The following KIAA1328 variants were observed in gnomAD, a reference collection of about 807,000 sequenced individuals.
KIAA1328 encodes the protein protein hinderin.
Under a neutral mutation model 68.1 loss-of-function variants are expected in KIAA1328, and 52 were observed. The observed-to-expected ratio is 0.76, with a 90% confidence interval of 0.61 to 0.96. The LOEUF (loss-of-function observed/expected upper bound fraction) is 0.96, where lower values mean the gene tolerates loss of function less well. Among genes scored for constraint, KIAA1328 ranks in the 40% least tolerant of loss-of-function variants. KIAA1328 has a pLI of 0.00. For missense variants in KIAA1328, 641 were observed against 677.6 expected (o/e 0.95, Z 0.60); for synonymous variants, 232 against 239.4 (o/e 0.97, Z 0.28).
At chr18:36,883,518 A>G (rs1338583765) in intron 4 of KIAA1328, among the ~76,000 whole-genome samples, 1 of 152,220 alleles carries the variant, frequency 6.6e-6, no homozygotes, top group East Asian at 1.9e-4. Context: ...AGTGTCCCAC[A>G]TGGGAACAAG....
chr18:37,149,867 T>A (rs2058988574), intron 7 of KIAA1328, among the ~76,000 whole-genome samples: 2 of 152,138 alleles, frequency 1.3e-5, no homozygotes, highest in Admixed American at 1.3e-4. Flanking sequence ...AATAATCCTT[T>A]TCAAGATGAT....
Position 36,929,850 on chromosome 18 carries a change from T to C in KIAA1328, c.449-29458T>C, listed in dbSNP as rs536326456. Among the ~76,000 whole-genome samples the C allele has an allele frequency of 2.0e-5, 3 of 152,184 alleles. No homozygotes were observed. The East Asian group carries it at 5.8e-4, about 29-fold the overall frequency. On this transcript the variant is annotated intron_variant, in intron 5 of 9. Coordinates refer to ENST00000280020, the MANE Select transcript of KIAA1328 (RefSeq NM_020776.3). ...CTGCCAGAACTGTGAGAAATAAATGTCTGTTGTTTGTAAGCCACCCGGGTC... is the reference window on the plus strand; with the variant it reads ...CTGCCAGAACTGTGAGAAATAAATGCCTGTTGTTTGTAAGCCACCCGGGTC...
intron 6 of KIAA1328, among the ~76,000 whole-genome samples, chr18:37,046,416 T>G (rs1326477570): frequency 6.6e-6 from 1 of 152,198 alleles, no homozygotes; most frequent in Non-Finnish European, 1.5e-5. Flanking sequence ...GGTTCTCTCT[T>G]TCTTGGTAAG....
At chr18:36,998,113 G>A (rs2053460059) in intron 6 of KIAA1328, among the ~76,000 whole-genome samples, 1 of 152,140 alleles carries the variant, frequency 6.6e-6, no homozygotes, top group Non-Finnish European at 1.5e-5. Context: ...GAGAGCCTGA[G>A]TATAAGCCCA....
chr18:36,990,374 A>G (rs1288600836), intron 6 of KIAA1328, among the ~76,000 whole-genome samples: 1 of 151,994 alleles, frequency 6.6e-6, no homozygotes, highest in Admixed American at 6.5e-5. Context: ...CAATTTATAT[A>G]TACATTAATG....
chr18:36,895,109 A>T (rs2048825845), intron 5 of KIAA1328, among the ~76,000 whole-genome samples: 1 of 152,208 alleles, frequency 6.6e-6, no homozygotes, highest in Non-Finnish European at 1.5e-5. Flanking sequence ...GTACATTTTT[A>T]AAAATAGTAT....
At chr18:37,173,978 T>C (rs189355609) in intron 9 of KIAA1328, among the ~76,000 whole-genome samples, 179 of 152,330 alleles carry the variant, frequency 1.2e-3, no homozygotes, top group Non-Finnish European at 1.8e-3. Flanking sequence ...TTGTCATTCC[T>C]TTAATTCTGG....
chr18:36,935,458 T>C (rs2050464587), intron 5 of KIAA1328, among the ~76,000 whole-genome samples: 2 of 152,202 alleles, frequency 1.3e-5, no homozygotes, highest in African/African-American at 4.8e-5. Flanking sequence ...AATTATGCCA[T>C]TTTTTGCCAT....
intron 9 of KIAA1328, among the ~76,000 whole-genome samples, chr18:37,219,753 A>G (rs1599632529): frequency 6.6e-6 from 1 of 152,080 alleles, no homozygotes; most frequent in Non-Finnish European, 1.5e-5. Context: ...CTTGGCTAGG[A>G]AAGGGAAGTC....
At position 37,065,066 on chromosome 18, in the gene KIAA1328, A is replaced by G. The variant is rs184172985; in HGVS notation, c.577-1824A>G. 1.4e-3 allele frequency among the ~76,000 whole-genome samples: 220 copies of G among 152,374 alleles called. 3 individuals carry two copies. The highest frequency in any genetic ancestry group is 0.013 in the Admixed American group (202 of 15,312). On this transcript the variant is annotated intron_variant, in intron 6 of 9. Coordinates refer to ENST00000280020, the MANE Select transcript of KIAA1328 (RefSeq NM_020776.3). ...GAAAAACTCATATTTCTCTTGCAGC[A>G]TTGAGCAAATAAGCTTCCCCATAGC...
chr18:36,834,255 G>T, intron 1 of KIAA1328, 65 bp from the exon 2 acceptor site: 1 of 1,437,144 alleles, frequency 7.0e-7, no homozygotes, highest in South Asian at 1.7e-5. Flanking sequence ...GAGGTATACA[G>T]AACAGAAGCA....
intron 5 of KIAA1328, among the ~76,000 whole-genome samples, chr18:36,919,357 T>C (rs1048560128): frequency 2.6e-5 from 4 of 152,152 alleles, no homozygotes; most frequent in African/African-American, 9.7e-5. Context: ...GCTGTATGTA[T>C]GTGTGTGTGT....
At chr18:36,859,732 G>A (rs1219214873) in intron 4 of KIAA1328, among the ~76,000 whole-genome samples, 2 of 151,610 alleles carry the variant, frequency 1.3e-5, no homozygotes, top group South Asian at 2.1e-4. Flanking sequence ...TTATAGGTGC[G>A]AGCCACTGCA....
rs2059530704 is a variant in KIAA1328 at position 37,173,006 on chromosome 18, C to T, written c.1448C>T (p.Thr483Ile). The change falls in exon 9 of 10, where the codon ACA (threonine) becomes ATA (isoleucine). Residue 483 changes from threonine to isoleucine, a missense_variant. By Grantham distance (89) the Thr-to-Ile change is moderately conservative (BLOSUM62 -1). Transcript: ENST00000280020. ...ACAGGAGTTAGAAAAGATGCGTCTA[C>T]ATCTCCTATGCCAACAGGAAGCCTA... ...TVTGVRKDAS[T>I]SPMPTGSLKD... 4 of 1,613,550 alleles carry T rather than the reference C, an allele frequency of 2.5e-6. No individual in the cohort carries two copies. Among genetic ancestry groups the T allele is most frequent in the Non-Finnish European group, 3.4e-6 (4 of 1,179,582 alleles).
chr18:36,862,095 A>G (rs1319775093), intron 4 of KIAA1328, among the ~76,000 whole-genome samples: 2 of 150,166 alleles, frequency 1.3e-5, no homozygotes, highest in African/African-American at 5.0e-5. Context: ...TAGAAATAAT[A>G]CAGAGAAAGC....
At chr18:37,020,524 G>A (rs1296962178) in intron 6 of KIAA1328, among the ~76,000 whole-genome samples, 1 of 152,206 alleles carries the variant, frequency 6.6e-6, no homozygotes, top group African/African-American at 2.4e-5. Context: ...TCAGAATACT[G>A]TATATAAATT....
At chr18:37,128,171 C>T (rs1219591968) in intron 7 of KIAA1328, among the ~76,000 whole-genome samples, 1 of 152,058 alleles carries the variant, frequency 6.6e-6, no homozygotes. Context: ...TTTTGTAACA[C>T]AAAAATCACA....
At chr18:36,984,414 T>C (rs1199766029) in intron 6 of KIAA1328, among the ~76,000 whole-genome samples, 3 of 152,166 alleles carry the variant, frequency 2.0e-5, no homozygotes, top group Non-Finnish European at 4.4e-5. Flanking sequence ...CACAAAGTTA[T>C]AGGATACAAC....
rs113817854 is a variant in KIAA1328 at position 37,109,085 on chromosome 18, G to A, written c.1232+41540G>A. Among the ~76,000 whole-genome samples the A allele has an allele frequency of 2.6e-3, 393 of 152,242 alleles. 7 individuals carry two copies. Among genetic ancestry groups the A allele is most frequent in the Non-Finnish European group, 2.9e-3 (197 of 68,018 alleles). ...AGAATGATGGTTTCCAGCTTCATCC[G>A]TGTCCGTGCAAAGCACATGAACTCA... On this transcript the variant is annotated intron_variant, in intron 7 of 9. Transcript: ENST00000280020.
Sources: gnomAD v4.1 joint callset for allele counts (sites outside exome capture counted in the v4.1 genomes callset) on GRCh38, gnomAD v4.1.1 for gene constraint, MANE v1.5 for transcripts, NCBI Gene and HGNC (gene_info 2026-07-23, HGNC 2026-07-21) for gene names.